BTBD7: variants seen among roughly 807,000 people sequenced by gnomAD.
BTBD7 encodes BTB domain containing 7.
Under a neutral mutation model 99.9 loss-of-function variants are expected in BTBD7, and 38 were observed. The ratio of observed to expected loss-of-function variants is 0.38; its 90% CI spans 0.29 to 0.50. The LOEUF (loss-of-function observed/expected upper bound fraction) is 0.50. BTBD7 is among the 20% of genes least tolerant of loss of function. The probability of loss-of-function intolerance (pLI) is 0.93; values close to 1 mark genes in which losing one functional copy is unlikely to be tolerated. For synonymous variants in BTBD7, 520 were observed against 511.4 expected, an observed-to-expected ratio of 1.02 and a Z score of -0.23; for missense variants, 1,170 against 1,394.6, an observed-to-expected ratio of 0.84 and a Z score of 2.57.
intron 3 of BTBD7, among the ~76,000 whole-genome samples, chr14:93,267,843 C>T (rs937822200): frequency 1.1e-4 from 16 of 152,176 alleles, no homozygotes; most frequent in African/African-American, 3.9e-4. Flanking sequence ...ATACTTTTCC[C>T]CTGCATTATT....
chr14:93,285,472 G>A lies in BTBD7; in HGVS notation c.1162+8386C>T, dbSNP rs549229973. Among the ~76,000 whole-genome samples the A allele has an allele frequency of 7.2e-5, 11 of 152,300 alleles. No homozygotes were observed. In the South Asian group the frequency reaches 2.1e-3, roughly 29 times the overall value. On this transcript the variant is annotated intron_variant, in intron 3 of 10. Transcript: ENST00000334746. ...GATTGAAAAATGCATTTGTGATCAA[G>A]ATGAAAAAACAAAATCTGCAGTTTG...
At chr14:93,321,961 G>A (rs2053275488) in intron 1 of BTBD7, among the ~76,000 whole-genome samples, 1 of 152,154 alleles carries the variant, frequency 6.6e-6, no homozygotes, top group South Asian at 2.1e-4. Flanking sequence ...ACTATGAGAA[G>A]GCCCACGGAG....
chr14:93,318,927 G>T (rs2053238611), intron 1 of BTBD7, among the ~76,000 whole-genome samples: 2 of 152,194 alleles, frequency 1.3e-5, no homozygotes, highest in African/African-American at 4.8e-5. Context: ...CTTAATAAAT[G>T]AGGTGCAAGC....
intron 3 of BTBD7, among the ~76,000 whole-genome samples, chr14:93,285,994 T>C (rs2052772790): frequency 6.6e-6 from 1 of 152,150 alleles, no homozygotes; most frequent in African/African-American, 2.4e-5. Flanking sequence ...CTCCACAACA[T>C]GGAAGCCCAG....
At chr14:93,263,691 C>T in intron 4 of BTBD7, 94 bp downstream of exon 4, 1 of 1,221,244 alleles carries the variant, frequency 8.2e-7, no homozygotes, top group Non-Finnish European at 1.2e-6. Context: ...TTTCTCTTCC[C>T]CTGCCCTACC....
chr14:93,289,600 C>G (rs2052822649), intron 3 of BTBD7, among the ~76,000 whole-genome samples: 1 of 152,174 alleles, frequency 6.6e-6, no homozygotes, highest in Non-Finnish European at 1.5e-5. Context: ...CCTTAGGTAT[C>G]TTTGTCTCTT....
intron 1 of BTBD7, among the ~76,000 whole-genome samples, chr14:93,323,196 C>T (rs1595343962): frequency 1.3e-5 from 2 of 151,980 alleles, no homozygotes; most frequent in Middle Eastern, 6.8e-3. Context: ...TCGCTTGAGC[C>T]CAGGAGTTTG....
Position 93,242,798 on chromosome 14 carries a change from A to C in BTBD7, c.2874T>G (p.Pro958=), listed in dbSNP as rs1185769699. ...FSNAACRPST[P]ALSRRTPSPS... ...GGGAAGGGGTGCGTCTGCTGAGAGCAGGAGTAGAAGGTCTGCAAGCAGCAT... is the reference window on the plus strand; with the variant it reads ...GGGAAGGGGTGCGTCTGCTGAGAGCCGGAGTAGAAGGTCTGCAAGCAGCAT... The change falls in exon 11 of 11, where the codon CCT becomes CCG. Residue 958 remains proline (P), a synonymous_variant. Coordinates refer to ENST00000334746, the MANE Select transcript of BTBD7 (RefSeq NM_001002860.4). 1 of 1,614,100 alleles carries C rather than the reference A, an allele frequency of 6.2e-7. No homozygotes were observed. The highest frequency in any genetic ancestry group is 1.3e-5 in the African/African-American group (1 of 74,928).
At chr14:93,322,628 A>C (rs1254388131) in intron 1 of BTBD7, among the ~76,000 whole-genome samples, 1 of 152,222 alleles carries the variant, frequency 6.6e-6, no homozygotes, top group African/African-American at 2.4e-5. Flanking sequence ...GAAATATAAA[A>C]TGAGTAATTT....
intron 3 of BTBD7, among the ~76,000 whole-genome samples, chr14:93,272,651 C>T (rs2052612579): frequency 6.6e-6 from 1 of 152,208 alleles, no homozygotes; most frequent in African/African-American, 2.4e-5. Flanking sequence ...TAAAACAGCA[C>T]TACCATCACA....
Position 93,242,842 on chromosome 14 carries a change from C to T in BTBD7, c.2830G>A (p.Asp944Asn). Residue 944 changes from aspartate (D) to asparagine (N), a missense_variant, in exon 11 of 11, where the codon GAT becomes AAT. Physicochemically the swap from Asp to Asn is conservative, Grantham distance 23. Transcript: ENST00000334746. ...DTRENPQEYP[D>N]FYDFSNAACR... The stretch of plus-strand genomic sequence containing the variant: ...GCAGCATTTGAGAAGTCATAGAAAT[C>T]CGGATATTCCTGTGGATTTTCTCTG... 1 of 1,614,070 alleles carries T rather than the reference C, an allele frequency of 6.2e-7. No homozygotes were observed. The highest frequency in any genetic ancestry group is 8.5e-7 in the Non-Finnish European group (1 of 1,180,026).
intron 1 of BTBD7, among the ~76,000 whole-genome samples, chr14:93,300,009 T>G (rs1322119254): frequency 1.3e-5 from 2 of 152,166 alleles, no homozygotes; most frequent in African/African-American, 4.8e-5. Flanking sequence ...TGCTGATCTT[T>G]GCCATAAAAA....
rs921391100 is a variant in BTBD7, at chr14:93,248,461, A to T, written c.2121+15T>A. ...TGAGGCTCCCTATTTTAAACAGTTTAATGTCATTTCCTACCTGCAACAGCT... is the reference window on the plus strand; with the variant it reads ...TGAGGCTCCCTATTTTAAACAGTTTTATGTCATTTCCTACCTGCAACAGCT... On this transcript the variant is annotated intron_variant, in intron 9 of 10. Transcript: ENST00000334746. 1 of 1,612,920 alleles carries T rather than the reference A, an allele frequency of 6.2e-7. No individual in the cohort carries two copies. The highest frequency in any genetic ancestry group is 8.5e-7 in the Non-Finnish European group (1 of 1,179,526).
Position 93,242,180 on chromosome 14 carries a change from A to G in BTBD7, c.*93T>C. The G allele has an allele frequency of 8.9e-7, 1 of 1,123,322 alleles. No individual in the cohort carries two copies. 69.6% of individuals were successfully genotyped at this position (1,123,322 alleles called of 1,614,324 possible). On this transcript the variant is annotated 3_prime_UTR_variant, in exon 11 of 11. Coordinates refer to ENST00000334746, the MANE Select transcript of BTBD7 (RefSeq NM_001002860.4). Reference sequence around the variant, plus strand: ...CAAAATCATGTGAAACCGAGTTATCAGCTGGCATTGATGAACTGGTCTGTA... The same window carrying G: ...CAAAATCATGTGAAACCGAGTTATCGGCTGGCATTGATGAACTGGTCTGTA...
At chr14:93,312,523 T>C (rs2053149762) in intron 1 of BTBD7, among the ~76,000 whole-genome samples, 1 of 152,194 alleles carries the variant, frequency 6.6e-6, no homozygotes, top group Admixed American at 6.5e-5. Context: ...TGACTTTGTA[T>C]GGCAGATGCA....
intron 3 of BTBD7, among the ~76,000 whole-genome samples, chr14:93,267,346 C>T (rs1454455948): frequency 1.3e-5 from 2 of 152,202 alleles, no homozygotes; most frequent in African/African-American, 4.8e-5. Flanking sequence ...TCACTTCACT[C>T]TTTAAGAGTC....
At chr14:93,324,932 C>T (rs1242934042) in intron 1 of BTBD7, among the ~76,000 whole-genome samples, 1 of 152,112 alleles carries the variant, frequency 6.6e-6, no homozygotes. Flanking sequence ...AGAATAAGAA[C>T]TCCAAACAAT....
intron 3 of BTBD7, among the ~76,000 whole-genome samples, chr14:93,282,335 C>CTTTTTTTTT (rs71129622): frequency 1.4e-5 from 2 of 140,004 alleles, no homozygotes; most frequent in Non-Finnish European, 3.1e-5. Flanking sequence ...ATGCTTTTTT[C>CTTTTTTTTT]TTTTTTTTTT....
chr14:93,318,749 C>T (rs529299089), intron 1 of BTBD7, among the ~76,000 whole-genome samples: 120 of 152,230 alleles, frequency 7.9e-4, no homozygotes, highest in African/African-American at 2.7e-3. Flanking sequence ...CTATATGCTA[C>T]CAGAAAGTTT....
Sources: gnomAD v4.1 joint callset for allele counts (sites outside exome capture counted in the v4.1 genomes callset) on GRCh38, gnomAD v4.1.1 for gene constraint, MANE v1.5 for transcripts, NCBI Gene and HGNC (gene_info 2026-07-23, HGNC 2026-07-21) for gene names.